CACNA1D: variants seen among roughly 807,000 people sequenced by gnomAD.
CACNA1D encodes the protein calcium voltage-gated channel subunit alpha1 D, also known as voltage-dependent L-type calcium channel subunit alpha-1D.
CACNA1D carries 55 observed loss-of-function variants against 257.1 expected under a neutral mutation model. The ratio of observed to expected loss-of-function variants is 0.21; its 90% CI spans 0.17 to 0.27. CACNA1D has a LOEUF of 0.27. CACNA1D is among the 10% of genes least tolerant of loss of function. The pLI is 1.00. For synonymous variants in CACNA1D, 980 were observed against 1,014.9 expected (o/e 0.97, Z 0.65); for missense variants, 1,876 against 2,784.0 (o/e 0.67, Z 7.34).
At chr3:53,718,859 G>A (rs2094850730) in intron 10 of CACNA1D, 1 of 910,308 alleles carries the variant, frequency 1.1e-6, no homozygotes, top group East Asian at 2.6e-5. Context: ...TTTGCTCATG[G>A]GACCTTCCTA....
chr3:53,708,354 T>C lies in CACNA1D; in HGVS notation c.1390+5544T>C, dbSNP rs565257645. ...CAGTTAGAGTGGCATACGGTAAATA[T>C]GCGTCCAGGTCAAGAGCCCTCACTG... On this transcript the variant is annotated intron_variant, in intron 9 of 47. Transcript: ENST00000350061. Among the ~76,000 whole-genome samples, 309 of 152,358 alleles carry C rather than the reference T, an allele frequency of 2.0e-3. 1 individual carries two copies. Among genetic ancestry groups the C allele is most frequent in the African/African-American group, 7.0e-3 (290 of 41,572 alleles).
At chr3:53,722,612 C>A in intron 12 of CACNA1D, 138 bp downstream of exon 12, 1 of 901,888 alleles carries the variant, frequency 1.1e-6, no homozygotes, top group Non-Finnish European at 1.8e-6. Context: ...TAGAACCATC[C>A]AGACACAGCA....
intron 1 of CACNA1D, among the ~76,000 whole-genome samples, chr3:53,496,267 T>C (rs1206662945): frequency 6.6e-6 from 1 of 152,210 alleles, no homozygotes; most frequent in African/African-American, 2.4e-5. Context: ...GACCCAAAGC[T>C]GGCGGGGGCT....
intron 3 of CACNA1D, among the ~76,000 whole-genome samples, chr3:53,645,186 T>A (rs1455834886): frequency 6.6e-6 from 1 of 152,208 alleles, no homozygotes; most frequent in Non-Finnish European, 1.5e-5. Context: ...TGCTATTGAG[T>A]TGTTTGAGTT....
At chr3:53,629,624 A>T (rs552396360) in intron 3 of CACNA1D, among the ~76,000 whole-genome samples, 4 of 152,144 alleles carry the variant, frequency 2.6e-5, no homozygotes, top group Non-Finnish European at 5.9e-5. Flanking sequence ...TTCCTGGCGC[A>T]GATGCTTTCT....
At chr3:53,680,230 A>G (rs1246506377) in intron 8 of CACNA1D, among the ~76,000 whole-genome samples, 2 of 152,196 alleles carry the variant, frequency 1.3e-5, no homozygotes. Context: ...CCTTGTTTCC[A>G]TCAAGCTGAC....
At chr3:53,666,149 A>G (rs1264076091) in intron 6 of CACNA1D, among the ~76,000 whole-genome samples, 190 bp from the exon 7 acceptor site, 2 of 152,210 alleles carry the variant, frequency 1.3e-5, no homozygotes, top group African/African-American at 4.8e-5. Context: ...GGATGCTGAC[A>G]AGAGGAAATG....
In CACNA1D at chr3:53,731,010, T is replaced by C; in HGVS notation, c.2337-67T>C. 3 of 966,012 alleles carry C rather than the reference T, an allele frequency of 3.1e-6. No individual in the cohort carries two copies. In the South Asian group the frequency reaches 4.1e-5, roughly 13 times the overall value. 59.8% of individuals were successfully genotyped at this position (966,012 alleles called of 1,614,324 possible). On this transcript the variant is annotated intron_variant, in intron 16 of 47. Coordinates refer to ENST00000350061, the MANE Select transcript of CACNA1D (RefSeq NM_001128840.3). ...TTGGAGCATTATTGATTCAGAATCC[T>C]GATTAGCATTTTTATACAGAGTAAC...
Position 53,702,982 on chromosome 3 carries a change from ACT to A in CACNA1D, c.1390+175_1390+176del, listed in dbSNP as rs138375642. ...GGAGAGAACAGGTGCATTGGTGCTG[ACT>A]CTGGATTTCTGCCTGAGGTTTGGGG... On this transcript the variant is annotated intron_variant, in intron 9 of 47. Transcript: ENST00000350061. Among the ~76,000 whole-genome samples the A allele has an allele frequency of 4.4e-3, 668 of 152,050 alleles. 21 individuals carry two copies. In the East Asian group the frequency reaches 0.081, roughly 19 times the overall value.
chr3:53,576,368 T>C (rs1316718649), intron 3 of CACNA1D, among the ~76,000 whole-genome samples: 1 of 152,224 alleles, frequency 6.6e-6, no homozygotes, highest in Non-Finnish European at 1.5e-5. Context: ...TAAGTGGATT[T>C]AAATAAAGTT....
chr3:53,505,707 C>T (rs1028522014), intron 3 of CACNA1D, among the ~76,000 whole-genome samples: 5 of 152,138 alleles, frequency 3.3e-5, no homozygotes, highest in Non-Finnish European at 5.9e-5. Flanking sequence ...TTAGGGTCTG[C>T]GGCCCTTCTT....
chr3:53,785,280 A>C (rs2095446838), intron 39 of CACNA1D, among the ~76,000 whole-genome samples: 1 of 152,056 alleles, frequency 6.6e-6, no homozygotes, highest in Non-Finnish European at 1.5e-5. Flanking sequence ...TGCTACTCAG[A>C]GTCTTTGGCT....
At chr3:53,620,290 T>C (rs2093682010) in intron 3 of CACNA1D, among the ~76,000 whole-genome samples, 1 of 152,126 alleles carries the variant, frequency 6.6e-6, no homozygotes, top group South Asian at 2.1e-4. Context: ...CGTCCATCTC[T>C]CTTTTCTTCT....
intron 8 of CACNA1D, among the ~76,000 whole-genome samples, chr3:53,691,768 A>ATATAT (rs1392978935): frequency 3.3e-5 from 4 of 122,068 alleles, no homozygotes; most frequent in Non-Finnish European, 4.9e-5. Context: ...TACATATAAT[A>ATATAT]TATATATTAT....
chr3:53,597,162 A>G (rs1434037883), intron 3 of CACNA1D, among the ~76,000 whole-genome samples: 1 of 152,234 alleles, frequency 6.6e-6, no homozygotes, highest in Non-Finnish European at 1.5e-5. Context: ...GAGTGCCTAT[A>G]TGTGCCAGAT....
intron 3 of CACNA1D, among the ~76,000 whole-genome samples, chr3:53,550,292 G>A (rs928902456): frequency 6.6e-6 from 1 of 152,134 alleles, no homozygotes; most frequent in Non-Finnish European, 1.5e-5. Flanking sequence ...GGAGCAGTGT[G>A]GTTCTCCTCT....
intron 3 of CACNA1D, among the ~76,000 whole-genome samples, chr3:53,592,512 T>C (rs529726332): frequency 4.6e-5 from 7 of 152,278 alleles, no homozygotes; most frequent in African/African-American, 1.4e-4. Context: ...CAGGGGACAT[T>C]ATCTGATTTG....
chr3:53,801,400 C>A lies in CACNA1D; in HGVS notation c.5383C>A (p.Pro1795Thr). Residue 1795 changes from proline (P) to threonine (T), a missense_variant, in exon 42 of 48, where the codon CCT becomes ACT. Transcript: ENST00000350061. The part of the protein sequence containing the change: ...HHSSHKHDRE[P>T]QRRSSVKRTR... Reference sequence around the variant, plus strand: ...TTCTTCCCACAAGCATGACCGGGAGCCTCAGAGAAGGTCCAGTGTGAAAAG... The same window carrying A: ...TTCTTCCCACAAGCATGACCGGGAGACTCAGAGAAGGTCCAGTGTGAAAAG... 1 of 1,614,112 alleles carries A rather than the reference C, an allele frequency of 6.2e-7. No homozygotes were observed.
chr3:53,548,238 T>C (rs1439443894), intron 3 of CACNA1D, among the ~76,000 whole-genome samples: 1 of 152,154 alleles, frequency 6.6e-6, no homozygotes, highest in Non-Finnish European at 1.5e-5. Context: ...TAGTTGATGG[T>C]GCACAAAATA....
Sources: allele counts gnomAD v4.1 joint callset (sites outside exome capture counted in the v4.1 genomes callset), GRCh38; gene constraint gnomAD v4.1.1; transcripts MANE v1.5; gene names NCBI Gene and HGNC (gene_info 2026-07-23, HGNC 2026-07-21).